HGFAC: variants seen among roughly 807,000 people sequenced by gnomAD.
The protein encoded by HGFAC is hepatocyte growth factor activator serine protease.
Under a neutral mutation model 70.6 loss-of-function variants are expected in HGFAC, and 76 were observed. The ratio of observed to expected loss-of-function variants is 1.08; its 90% CI spans 0.89 to 1.30. HGFAC has a LOEUF of 1.30. Among genes scored for constraint, HGFAC ranks in the 50% most tolerant of loss-of-function variants. The pLI is 0.00. For synonymous variants in HGFAC, 464 were observed against 405.3 expected (o/e 1.14, Z -1.74); for missense variants, 1,044 against 933.7 (o/e 1.12, Z -1.54).
intron 8 of HGFAC, 25 bp downstream of exon 8, chr4:3,445,018 G>A (rs774778658): frequency 7.2e-6 from 11 of 1,534,886 alleles, no homozygotes; most frequent in East Asian, 2.3e-5. Flanking sequence ...GCTCCAGGCC[G>A]CCGCATGCGG....
At position 3,442,817 on chromosome 4, in the gene HGFAC, C is replaced by T; in HGVS notation, c.203C>T (p.Pro68Leu). The change falls in exon 2 of 14, where the codon CCA becomes CTA. Residue 68 changes from proline to leucine, a missense_variant. Pro to Leu is a moderately conservative substitution (Grantham distance 98, BLOSUM62 -3). Coordinates refer to ENST00000382774, the MANE Select transcript of HGFAC (RefSeq NM_001528.4). ...ILVTSVTSET[P>L]ATSAPEAEGP... is the part of the protein sequence containing the mutation. The stretch of plus-strand genomic sequence containing the variant: ...GTGACCTCTGTGACCTCTGAGACCC[C>T]AGCAACAAGTGCTCCAGAGGCAGAG... 9 of 1,591,332 alleles carry T rather than the reference C, an allele frequency of 5.7e-6. No homozygotes were observed. The highest frequency in any genetic ancestry group is 6.8e-6 in the Non-Finnish European group (8 of 1,170,836).
chr4:3,444,879 C>A lies in HGFAC; in HGVS notation c.902C>A (p.Ser301Ter), dbSNP rs1416832672. The change falls in exon 8 of 14, where the codon TCA becomes TAA. Residue 301 changes from serine (S) to a stop codon, truncating the protein, a stop_gained. Coordinates refer to ENST00000382774, the MANE Select transcript of HGFAC (RefSeq NM_001528.4). LOFTEE classifies it high-confidence loss of function. The part of the protein sequence containing the change: ...GTGYRGVAST[S>*]ASGLSCLAWN... Reference sequence around the variant, plus strand: ...GGGTACCGTGGCGTGGCCAGCACCTCAGCCTCGGGCCTCAGCTGCCTGGCC... The same window carrying A: ...GGGTACCGTGGCGTGGCCAGCACCTAAGCCTCGGGCCTCAGCTGCCTGGCC... The A allele has an allele frequency of 6.2e-7, 1 of 1,608,270 alleles. No individual in the cohort carries two copies. The highest frequency in any genetic ancestry group is 1.3e-5 in the African/African-American group (1 of 75,006).
chr4:3,444,665 T>A lies in HGFAC; in HGVS notation c.773T>A (p.Leu258Gln). ...SPCLNGGTCH[L>Q]IVATGTTVCA... ...TGCCTGAACGGGGGCACCTGCCACC[T>A]GATCGTGGCCACCGGGACCACCGTG... The change falls in exon 7 of 14, where the codon CTG becomes CAG. Residue 258 changes from leucine to glutamine, a missense_variant. Leu to Gln is a moderately radical substitution (Grantham distance 113). Coordinates refer to ENST00000382774, the MANE Select transcript of HGFAC (RefSeq NM_001528.4). 6.3e-7 allele frequency: 1 copy of A among 1,598,260 alleles called. No individual in the cohort carries two copies. Among genetic ancestry groups the A allele is most frequent in the Non-Finnish European group, 8.5e-7 (1 of 1,178,564 alleles).
In HGFAC at chr4:3,444,823, T is replaced by C. The variant is rs560624553; in HGVS notation, c.846T>C (p.Pro282=). ...GFAGRLCNIE[P]DERCFLGNGT... The stretch of plus-strand genomic sequence containing the variant: ...TCACTGCCCCTCTGCCCGCAGAGCC[T>C]GATGAGCGCTGCTTCTTGGGGAACG... Residue 282 remains proline (P), a synonymous_variant, in exon 8 of 14, where the codon CCT becomes CCC. Transcript: ENST00000382774. 6.6e-4 allele frequency: 1,051 copies of C among 1,592,096 alleles called. 44 individuals carry two copies. The South Asian group carries it at 0.011, about 16-fold the overall frequency.
At position 3,444,694 on chromosome 4, in the gene HGFAC, G is replaced by T. The variant is rs762802380; in HGVS notation, c.802G>T (p.Ala268Ser). The change falls in exon 7 of 14, where the codon GCC becomes TCC. Residue 268 changes from alanine (A) to serine (S), a missense_variant. Transcript: ENST00000382774. The stretch of plus-strand genomic sequence containing the variant: ...CGTGGCCACCGGGACCACCGTGTGT[G>T]CCTGCCCACCAGGCTTCGCTGGACG... ...LIVATGTTVCACPPGFAGRLC... is the reference protein window; with the variant it reads ...LIVATGTTVCSCPPGFAGRLC... The T allele has an allele frequency of 1.6e-5, 25 of 1,597,384 alleles. No homozygotes were observed. Among genetic ancestry groups the T allele is most frequent in the Non-Finnish European group, 2.0e-5 (23 of 1,178,480 alleles).
At position 3,444,147 on chromosome 4, in the gene HGFAC, A is replaced by G. The variant is rs373809126; in HGVS notation, c.584A>G (p.Lys195Arg). Residue 195 changes from lysine (K) to arginine (R), a missense_variant, in exon 5 of 14, where the codon AAG becomes AGG. Transcript: ENST00000382774. ...HCSCPRAFTG[K>R]DCGTEKCFDE... ...AGCTGCCCCCGGGCCTTCACCGGCA[A>G]GGACTGCGGCACAGGTGAGCTGGGC... 6 of 1,609,636 alleles carry G rather than the reference A, an allele frequency of 3.7e-6. No individual in the cohort carries two copies. In the African/African-American group the frequency reaches 8.0e-5, roughly 22 times the overall value.
rs373460336 is a variant in HGFAC at position 3,447,644 on chromosome 4, G to T, written c.1495+13G>T. ...GACCACGACCTCGGTGAGCTCCGGC[G>T]TGTCGTGGCTGCACTCTGGGCAGGT... is the stretch of plus-strand genomic sequence containing the variant. On this transcript the variant is annotated intron_variant, in intron 11 of 13. Transcript: ENST00000382774. 6.2e-7 allele frequency: 1 copy of T among 1,612,184 alleles called. No individual in the cohort carries two copies. The highest frequency in any genetic ancestry group is 1.3e-5 in the African/African-American group (1 of 75,054).
At chr4:3,442,634 C>G in intron 1 of HGFAC, 98 bp from the exon 2 acceptor site, 1 of 869,670 alleles carries the variant, frequency 1.1e-6, no homozygotes, top group South Asian at 3.1e-5. Context: ...GATCTGGGGG[C>G]CCCAGTATGG....
intron 3 of HGFAC, 94 bp downstream of exon 3, chr4:3,443,240 G>T (rs1353181848): frequency 1.6e-6 from 2 of 1,273,634 alleles, no homozygotes; most frequent in African/African-American, 3.0e-5. Flanking sequence ...CGCTCACCAC[G>T]CAGCAGGCGG....
In HGFAC at chr4:3,446,122, G is replaced by A. The variant is rs767839431; in HGVS notation, c.1183G>A (p.Gly395Ser). The change falls in exon 10 of 14, where the codon GGC (glycine) becomes AGC (serine). Residue 395 changes from glycine (G) to serine (S), a missense_variant. Gly to Ser is a moderately conservative substitution (Grantham distance 56). Coordinates refer to ENST00000382774, the MANE Select transcript of HGFAC (RefSeq NM_001528.4). ...AGCCTCCCCGGGGCGCCAGGCCTGC[G>A]GCAGGAGGCACAAGAAGAGGACGTT... ...EPASPGRQAC[G>S]RRHKKRTFLR... The A allele has an allele frequency of 2.4e-5, 39 of 1,611,226 alleles. No homozygotes were observed. Among genetic ancestry groups the A allele is most frequent in the Non-Finnish European group, 3.0e-5 (35 of 1,179,464 alleles).
At chr4:3,445,725 C>A in intron 9 of HGFAC, 1 of 773,322 alleles carries the variant, frequency 1.3e-6, no homozygotes. Context: ...CCCGGCGGGG[C>A]CAGCCCGGGG....
rs373874331 is a variant in HGFAC at position 3,446,039 on chromosome 4, C to G, written c.1103-3C>G. 228 of 1,607,488 alleles carry G rather than the reference C, an allele frequency of 1.4e-4. 3 individuals are homozygous for G. The highest frequency in any genetic ancestry group is 5.0e-4 in the Middle Eastern group (3 of 6,060). On this transcript the variant is annotated splice_region_variant and splice_polypyrimidine_tract_variant and intron_variant, in intron 9 of 13. Coordinates refer to ENST00000382774, the MANE Select transcript of HGFAC (RefSeq NM_001528.4). ...GGTGTGACCCGGTGACCTTTGCTCCCAGAATCCCTCACCAGAGTCCAACTG... is the reference window on the plus strand; with the variant it reads ...GGTGTGACCCGGTGACCTTTGCTCCGAGAATCCCTCACCAGAGTCCAACTG...
chr4:3,444,870 C>T lies in HGFAC; in HGVS notation c.893C>T (p.Ala298Val). ...LGNGTGYRGV[A>V]STSASGLSCL... ...AACGGCACTGGGTACCGTGGCGTGGCCAGCACCTCAGCCTCGGGCCTCAGC... is the reference window on the plus strand; with the variant it reads ...AACGGCACTGGGTACCGTGGCGTGGTCAGCACCTCAGCCTCGGGCCTCAGC... Residue 298 changes from alanine (A) to valine (V), a missense_variant, in exon 8 of 14, where the codon GCC becomes GTC. Ala to Val is a moderately conservative substitution (Grantham distance 64). Coordinates refer to ENST00000382774, the MANE Select transcript of HGFAC (RefSeq NM_001528.4). The T allele has an allele frequency of 1.2e-6, 2 of 1,606,812 alleles. No individual in the cohort carries two copies. The highest frequency in any genetic ancestry group is 1.7e-6 in the Non-Finnish European group (2 of 1,177,472).
chr4:3,447,055 A>G (rs1464567481), intron 10 of HGFAC, among the ~76,000 whole-genome samples: 1 of 152,182 alleles, frequency 6.6e-6, no homozygotes, highest in East Asian at 1.9e-4. Context: ...CACACAGCAG[A>G]TGGGAGCCAG....
intron 9 of HGFAC, chr4:3,445,819 C>G: frequency 6.7e-7 from 1 of 1,484,486 alleles, no homozygotes; most frequent in South Asian, 1.2e-5. Flanking sequence ...CTCCGTGTGT[C>G]CAGCCCCTCT....
Position 3,445,333 on chromosome 4 carries a change from G to T in HGFAC, c.1085G>T (p.Cys362Phe). 1 of 1,581,358 alleles carries T rather than the reference G, an allele frequency of 6.3e-7. No homozygotes were observed. The highest frequency in any genetic ancestry group is 8.6e-7 in the Non-Finnish European group (1 of 1,164,674). Residue 362 changes from cysteine (C) to phenylalanine (F), a missense_variant, in exon 9 of 14, where the codon TGC becomes TTC. By Grantham distance (205) the Cys-to-Phe change is radical. Coordinates refer to ENST00000382774, the MANE Select transcript of HGFAC (RefSeq NM_001528.4). ...VKDSALSWEY[C>F]RLEACESLTR... ...GACAGCGCGCTCTCCTGGGAGTACT[G>T]CCGCCTGGAGGCCTGCGGTGCGCGG...
Position 3,446,550 on chromosome 4 carries a change from C to T in HGFAC, c.1355+256C>T, listed in dbSNP as rs562278975. 7.9e-5 allele frequency among the ~76,000 whole-genome samples: 12 copies of T among 152,240 alleles called. No homozygotes were observed. In the East Asian group the frequency reaches 1.7e-3, roughly 22 times the overall value. On this transcript the variant is annotated intron_variant, in intron 10 of 13. Coordinates refer to ENST00000382774, the MANE Select transcript of HGFAC (RefSeq NM_001528.4). ...AGTGGCATTTCCACAGAGGACCCAG[C>T]GCCTGCGGAGAGTGCAGTGGGCCAG...
chr4:3,448,084 C>A (rs761166470), intron 12 of HGFAC, 44 bp from the exon 13 acceptor site: 2 of 1,563,506 alleles, frequency 1.3e-6, no homozygotes, highest in Admixed American at 3.8e-5. Context: ...GGACAGTGGC[C>A]AGCCACAGTG....
chr4:3,444,947 G>T lies in HGFAC; in HGVS notation c.970G>T (p.Val324Leu). ...CTACCAGGAGCTGCACGTGGACTCC[G>T]TGGGCGCCGCGGCCCTGCTGGGCCT... ...LLYQELHVDS[V>L]GAAALLGLGP... The change falls in exon 8 of 14, where the codon GTG becomes TTG. Residue 324 changes from valine to leucine, a missense_variant. Physicochemically the swap from Val to Leu is conservative, Grantham distance 32. Coordinates refer to ENST00000382774, the MANE Select transcript of HGFAC (RefSeq NM_001528.4). 1 of 1,608,130 alleles carries T rather than the reference G, an allele frequency of 6.2e-7. No individual in the cohort carries two copies. The highest frequency in any genetic ancestry group is 8.5e-7 in the Non-Finnish European group (1 of 1,178,188).
Sources: allele counts gnomAD v4.1 joint callset (sites outside exome capture counted in the v4.1 genomes callset), GRCh38; gene constraint gnomAD v4.1.1; transcripts MANE v1.5; gene names NCBI Gene and HGNC (gene_info 2026-07-23, HGNC 2026-07-21).